TMOD1: variants seen among roughly 807,000 people sequenced by gnomAD.
TMOD1 encodes tropomodulin 1, also known as tropomodulin-1.
In TMOD1, 17 loss-of-function variants were observed where a neutral mutation model predicts 40.6. The ratio of observed to expected loss-of-function variants is 0.42; its 90% confidence interval spans 0.29 to 0.63. The LOEUF (loss-of-function observed/expected upper bound fraction) is 0.63. TMOD1 is among the 20% of genes least tolerant of loss of function. TMOD1 has a pLI of 0.22. For synonymous variants in TMOD1, 181 were observed against 175.0 expected (o/e 1.03, Z -0.27); for missense variants, 391 against 447.6 (o/e 0.87, Z 1.14).
chr9:97,509,089 G>A (rs995374001), intron 1 of TMOD1, among the ~76,000 whole-genome samples: 1 of 152,180 alleles, frequency 6.6e-6, no homozygotes, highest in Non-Finnish European at 1.5e-5. Flanking sequence ...AAAGCCTCCA[G>A]ATGGAATCAA....
intron 4 of TMOD1, among the ~76,000 whole-genome samples, chr9:97,554,452 A>G (rs957168470): frequency 1.3e-5 from 2 of 151,432 alleles, no homozygotes; most frequent in African/African-American, 2.4e-5. Flanking sequence ...GGAGTGCTAC[A>G]GGAGGTTCCC....
intron 2 of TMOD1, among the ~76,000 whole-genome samples, chr9:97,525,028 C>T (rs1275227618): frequency 6.6e-6 from 1 of 152,106 alleles, no homozygotes; most frequent in Non-Finnish European, 1.5e-5. Flanking sequence ...CACAGTCTAC[C>T]CCTTGTCAAC....
intron 3 of TMOD1, among the ~76,000 whole-genome samples, chr9:97,549,785 C>T (rs1204467098): frequency 6.6e-6 from 1 of 152,184 alleles, no homozygotes; most frequent in African/African-American, 2.4e-5. Flanking sequence ...TCAACCTTCA[C>T]CACTATGACC....
At position 97,551,016 on chromosome 9, in the gene TMOD1, T is replaced by TATATATA. The variant is rs1563987965; in HGVS notation, c.278-2265_278-2264insATATATA. 3.1e-3 allele frequency among the ~76,000 whole-genome samples: 17 copies of TATATATA among 5,530 alleles called. 1 individual carries two copies. The highest frequency in any genetic ancestry group is 0.012 in the African/African-American group (15 of 1,270). The allele number at this position is 5,530 out of a possible 152,430, so 3.6% of individuals were successfully genotyped here. On this transcript the variant is annotated intron_variant, in intron 3 of 9. Transcript: ENST00000259365. ...TTTATATATATATATATATATATATTTTTTTTTTTTTTTTTTTTTTTTTTT... is the reference window on the plus strand; with the variant it reads ...TTTATATATATATATATATATATATTATATATATTTTTTTTTTTTTTTTTTTTTTTTT...
intron 3 of TMOD1, among the ~76,000 whole-genome samples, chr9:97,549,107 T>C (rs1830411092): frequency 6.6e-6 from 1 of 152,224 alleles, no homozygotes; most frequent in African/African-American, 2.4e-5. Flanking sequence ...GACCAGAATA[T>C]AGCTCCAGGC....
rs1038242636 is a variant in TMOD1 at position 97,502,071 on chromosome 9, G to T, written c.-49+268G>T. Among the ~76,000 whole-genome samples, 4 of 152,074 alleles carry T rather than the reference G, an allele frequency of 2.6e-5. No homozygotes were observed. The highest frequency in any genetic ancestry group is 4.8e-5 in the African/African-American group (2 of 41,436). On this transcript the variant is annotated intron_variant, in intron 1 of 9. Coordinates refer to ENST00000259365, the MANE Select transcript of TMOD1 (RefSeq NM_003275.4). The surrounding 1 kb of genome is among the most constrained non-coding windows in gnomAD (Gnocchi z 6.1). ...AGGGCGCCCTCCGCTCTGGACCTCCGCACCGCGTCTGTGAACGCGAGAAGG... is the reference window on the plus strand; with the variant it reads ...AGGGCGCCCTCCGCTCTGGACCTCCTCACCGCGTCTGTGAACGCGAGAAGG...
chr9:97,501,548 G>A (rs528300376), upstream of TMOD1: 1,378 of 147,546 alleles, frequency 9.3e-3, 6 homozygotes, highest in Non-Finnish European at 0.014. Context: ...CCCGAGTGGA[G>A]GGGGGGGGAA....
chr9:97,567,842 G>A (rs1830755749), intron 7 of TMOD1, among the ~76,000 whole-genome samples: 2 of 152,166 alleles, frequency 1.3e-5, no homozygotes, highest in Admixed American at 1.3e-4. Flanking sequence ...GCAGGTCTCA[G>A]CAAGGCAGGG....
rs1045560749 is a variant in TMOD1, at chr9:97,563,701, C to T, written c.488-337C>T. Among the ~76,000 whole-genome samples, 7 of 152,304 alleles carry T rather than the reference C, an allele frequency of 4.6e-5. No homozygotes were observed. In the South Asian group the frequency reaches 1.0e-3, roughly 23 times the overall value. ...AAGATTGATGCATTTCTTTCCCATC[C>T]GGGCTTCATCTTAGCCTCCCAAGAG... On this transcript the variant is annotated intron_variant, in intron 5 of 9. Transcript: ENST00000259365.
Position 97,557,130 on chromosome 9 carries a change from G to C in TMOD1, c.397+3730G>C, listed in dbSNP as rs147827159. Among the ~76,000 whole-genome samples the C allele has an allele frequency of 3.2e-4, 48 of 152,296 alleles. No individual in the cohort carries two copies. Among genetic ancestry groups the C allele is most frequent in the African/African-American group, 1.0e-3 (42 of 41,566 alleles). ...GGGAGGCCCAGGAGGTGATGAGGAG[G>C]ACAGACGAGAAACATGTATTTTTTT... On this transcript the variant is annotated intron_variant, in intron 4 of 9. Transcript: ENST00000259365. The surrounding 1 kb of genome is among the most constrained non-coding windows in gnomAD (Gnocchi z 4.4).
rs73549006 is a variant in TMOD1, at chr9:97,507,371, G to A, written c.-49+5568G>A. Among the ~76,000 whole-genome samples, 887 of 152,270 alleles carry A rather than the reference G, an allele frequency of 5.8e-3. 7 individuals carry two copies. Among genetic ancestry groups the A allele is most frequent in the African/African-American group, 0.019 (769 of 41,552 alleles). ...TTCAGAATGGATAGCAACATTGCAC[G>A]CATTTGCTTATTATGGTTTTACATT... is the stretch of plus-strand genomic sequence containing the variant. On this transcript the variant is annotated intron_variant, in intron 1 of 9. Coordinates refer to ENST00000259365, the MANE Select transcript of TMOD1 (RefSeq NM_003275.4).
intron 3 of TMOD1, among the ~76,000 whole-genome samples, chr9:97,551,239 G>A (rs1397865699): frequency 2.0e-5 from 3 of 151,876 alleles, no homozygotes; most frequent in Non-Finnish European, 2.9e-5. Flanking sequence ...GGCTAGGCTG[G>A]TCTCGAACTC....
chr9:97,581,937 T>C lies in TMOD1; in HGVS notation c.871-9354T>C, dbSNP rs1050597979. ...GTAGGTTGCGAAAATTTTCTCCCAT[T>C]TTGTAGGTTGCCTGTTCACTCTGAT... On this transcript the variant is annotated intron_variant, in intron 8 of 9. Coordinates refer to ENST00000259365, the MANE Select transcript of TMOD1 (RefSeq NM_003275.4). Among the ~76,000 whole-genome samples, 1,087 of 148,312 alleles carry C rather than the reference T, an allele frequency of 7.3e-3. 11 individuals are homozygous for C. Among genetic ancestry groups the C allele is most frequent in the African/African-American group, 0.026 (1,045 of 40,134 alleles).
At chr9:97,566,608 T>C (rs1476589629) in intron 7 of TMOD1, among the ~76,000 whole-genome samples, 1 of 151,806 alleles carries the variant, frequency 6.6e-6, no homozygotes, top group Non-Finnish European at 1.5e-5. Context: ...GAGGCGGAGG[T>C]TGTAGTGAGC....
chr9:97,511,562 C>T (rs12351036), intron 1 of TMOD1, among the ~76,000 whole-genome samples: 4,467 of 152,212 alleles, frequency 0.029, 104 homozygotes, highest in Middle Eastern at 0.058. Context: ...GCCCAGTGTA[C>T]CCCTGGGCAG....
intron 7 of TMOD1, among the ~76,000 whole-genome samples, chr9:97,566,879 G>A (rs974566107): frequency 2.0e-5 from 3 of 152,028 alleles, no homozygotes; most frequent in African/African-American, 7.2e-5. Flanking sequence ...GCTGAATTAG[G>A]TTCTGGGAAT....
chr9:97,560,675 A>C (rs1011792375), intron 4 of TMOD1, among the ~76,000 whole-genome samples: 10 of 147,666 alleles, frequency 6.8e-5, no homozygotes, highest in Non-Finnish European at 1.5e-4. Context: ...TATTGTATAT[A>C]TATATATATA....
At chr9:97,526,087 G>A (rs897372598) in intron 2 of TMOD1, among the ~76,000 whole-genome samples, 4 of 152,158 alleles carry the variant, frequency 2.6e-5, no homozygotes, top group African/African-American at 9.7e-5. Flanking sequence ...ATGTTGCCCC[G>A]GCCTGTAAGG....
chr9:97,516,459 A>ATGGGAAGCAGTTGGAGCT (rs1375046881), intron 1 of TMOD1: 4 of 153,148 alleles, frequency 2.6e-5, no homozygotes, highest in East Asian at 3.8e-4. Flanking sequence ...CTATCCATCC[A>ATGGGAAGCAGTTGGAGCT]TGGGAAGCAG....
Sources: gnomAD v4.1 joint callset for allele counts (sites outside exome capture counted in the v4.1 genomes callset) on GRCh38, gnomAD v4.1.1 for gene constraint, Gnocchi (gnomAD v3.1) non-coding constraint, MANE v1.5 for transcripts, NCBI Gene and HGNC (gene_info 2026-07-23, HGNC 2026-07-21) for gene names.